The following IMMP2L variants were observed in gnomAD, a reference collection of about 807,000 sequenced individuals.
IMMP2L encodes the protein mitochondrial inner membrane protease subunit 2.
In IMMP2L, 18 loss-of-function variants were observed where a neutral mutation model predicts 19.3. The observed-to-expected ratio is 0.93, with a 90% CI of 0.64 to 1.38. The LOEUF (loss-of-function observed/expected upper bound fraction) is 1.38, where lower values mean the gene tolerates loss of function less well. IMMP2L is among the 40% of genes most tolerant of loss of function. The pLI is 0.00. For synonymous variants in IMMP2L, 76 were observed against 73.0 expected (o/e 1.04, Z -0.21); for missense variants, 233 against 218.2 (o/e 1.07, Z -0.43).
chr7:111,212,383 T>C (rs1326553327), intron 3 of IMMP2L, among the ~76,000 whole-genome samples: 1 of 152,036 alleles, frequency 6.6e-6, no homozygotes, highest in Admixed American at 6.6e-5. Flanking sequence ...CAGAGGCAGG[T>C]GGATTGCTAG....
chr7:111,070,938 A>C (rs1794899134), intron 3 of IMMP2L, among the ~76,000 whole-genome samples: 1 of 152,190 alleles, frequency 6.6e-6, no homozygotes, highest in South Asian at 2.1e-4. Flanking sequence ...TCATGACTTT[A>C]AAAACATTTG....
intron 3 of IMMP2L, among the ~76,000 whole-genome samples, chr7:111,191,431 TACACACACAC>T (rs57414194): frequency 0.56 from 82,254 of 146,616 alleles, 24,429 homozygotes; most frequent in East Asian, 0.79. Flanking sequence ...GCTGCTCAAA[TACACACACAC>T]ACACACACAC....
In IMMP2L at chr7:111,463,002, T is replaced by C. The variant is rs558643368; in HGVS notation, c.239+24236A>G. On this transcript the variant is annotated intron_variant, in intron 3 of 5. Coordinates refer to ENST00000405709, the MANE Select transcript of IMMP2L (RefSeq NM_032549.4). ...GGTGGCTTACAACAACATAAAGGTA[T>C]TCTCACAGTTCCGGAGGCCAGAAAT... 2.0e-5 allele frequency among the ~76,000 whole-genome samples: 3 copies of C among 152,230 alleles called. No individual in the cohort carries two copies. The East Asian group carries it at 5.8e-4, about 29-fold the overall frequency.
At chr7:111,130,111 T>C (rs1039947096) in intron 3 of IMMP2L, among the ~76,000 whole-genome samples, 4 of 152,142 alleles carry the variant, frequency 2.6e-5, no homozygotes, top group African/African-American at 9.6e-5. Flanking sequence ...TTACCTATTC[T>C]AGTTCACTGT....
intron 4 of IMMP2L, among the ~76,000 whole-genome samples, chr7:110,893,802 G>A (rs1253719980): frequency 1.3e-5 from 2 of 152,124 alleles, no homozygotes; most frequent in African/African-American, 2.4e-5. Context: ...CACATGGTAC[G>A]TGAATGTTTA....
At chr7:111,061,004 C>T (rs534223507) in intron 3 of IMMP2L, among the ~76,000 whole-genome samples, 1 of 152,206 alleles carries the variant, frequency 6.6e-6, no homozygotes, top group Admixed American at 6.5e-5. Flanking sequence ...ATCTTTTATG[C>T]ATAATAAAAT....
intron 5 of IMMP2L, among the ~76,000 whole-genome samples, chr7:110,820,068 G>A (rs1802888758): frequency 6.6e-6 from 1 of 151,962 alleles, no homozygotes; most frequent in African/African-American, 2.4e-5. Flanking sequence ...TATGGCAGAT[G>A]ATAAAAATCT....
intron 3 of IMMP2L, among the ~76,000 whole-genome samples, chr7:111,176,079 T>A (rs112369839): frequency 2.0e-5 from 3 of 151,976 alleles, no homozygotes; most frequent in African/African-American, 7.2e-5. Flanking sequence ...AGATAACATC[T>A]CACTCCAGTT....
intron 1 of IMMP2L, among the ~76,000 whole-genome samples, chr7:111,557,738 A>G (rs879023707): frequency 6.6e-6 from 1 of 152,186 alleles, no homozygotes; most frequent in East Asian, 1.9e-4. Flanking sequence ...TCCTTGGTCA[A>G]AGATGACTTT....
intron 3 of IMMP2L, among the ~76,000 whole-genome samples, chr7:111,001,918 G>C (rs1021557345): frequency 6.6e-6 from 1 of 151,898 alleles, no homozygotes; most frequent in Non-Finnish European, 1.5e-5. Flanking sequence ...GTAGTTAAAG[G>C]CTGCAAAATT....
intron 3 of IMMP2L, among the ~76,000 whole-genome samples, chr7:111,294,545 G>A (rs6977318): frequency 0.011 from 1,635 of 151,842 alleles, 30 homozygotes; most frequent in African/African-American, 0.036. Context: ...ATTTAAACAC[G>A]AATCTATCAG....
At chr7:110,935,151 T>G (rs1815957470) in intron 4 of IMMP2L, among the ~76,000 whole-genome samples, 1 of 152,200 alleles carries the variant, frequency 6.6e-6, no homozygotes, top group Admixed American at 6.5e-5. Context: ...TTCCTTTACA[T>G]GTTTAGTGCT....
chr7:110,663,092 C>G lies in IMMP2L; in HGVS notation c.*510G>C, dbSNP rs182689423. 6.5e-6 allele frequency: 1 copy of G among 154,088 alleles called. No homozygotes were observed. Among genetic ancestry groups the G allele is most frequent in the Admixed American group, 6.4e-5 (1 of 15,566 alleles). 9.5% of individuals were successfully genotyped at this position (154,088 alleles called of 1,614,324 possible). On this transcript the variant is annotated 3_prime_UTR_variant, in exon 6 of 6. Coordinates refer to ENST00000405709, the MANE Select transcript of IMMP2L (RefSeq NM_032549.4). ...TATTTTAACATCACTGTTTACTGTTCTTCCTAACTGGCAGTTACTCCTTTG... is the reference window on the plus strand; with the variant it reads ...TATTTTAACATCACTGTTTACTGTTGTTCCTAACTGGCAGTTACTCCTTTG...
chr7:111,410,461 T>G (rs1266770827), intron 3 of IMMP2L, among the ~76,000 whole-genome samples: 1 of 151,564 alleles, frequency 6.6e-6, no homozygotes, highest in Non-Finnish European at 1.5e-5. Flanking sequence ...TAAATTAGTA[T>G]GTACATTGTT....
Position 111,372,547 on chromosome 7 carries a change from G to T in IMMP2L, c.239+114691C>A, listed in dbSNP as rs140616039. ...CAGATACCAAGGAAGGCAGAGAAGA[G>T]AGATGGAGCTGACTGCCTGTAAACA... On this transcript the variant is annotated intron_variant, in intron 3 of 5. Coordinates refer to ENST00000405709, the MANE Select transcript of IMMP2L (RefSeq NM_032549.4). Among the ~76,000 whole-genome samples the T allele has an allele frequency of 3.5e-3, 531 of 152,104 alleles. 7 individuals carry two copies. The highest frequency in any genetic ancestry group is 0.012 in the African/African-American group (513 of 41,550).
chr7:111,370,422 C>T (rs1830162844), intron 3 of IMMP2L, among the ~76,000 whole-genome samples: 1 of 151,984 alleles, frequency 6.6e-6, no homozygotes, highest in South Asian at 2.1e-4. Flanking sequence ...AAGTGGAATA[C>T]ATCATTGAAC....
At chr7:111,301,071 T>C (rs1822183850) in intron 3 of IMMP2L, among the ~76,000 whole-genome samples, 1 of 152,174 alleles carries the variant, frequency 6.6e-6, no homozygotes, top group Non-Finnish European at 1.5e-5. Context: ...AGCAATATTA[T>C]GAGTGATCCA....
intron 3 of IMMP2L, among the ~76,000 whole-genome samples, chr7:111,372,691 A>T (rs1205885253): frequency 6.6e-6 from 1 of 151,986 alleles, no homozygotes; most frequent in Non-Finnish European, 1.5e-5. Context: ...AGGATGGCAG[A>T]TAAGAAAGGG....
At chr7:111,539,218 GAAA>G (rs1722227009) in intron 1 of IMMP2L, among the ~76,000 whole-genome samples, 1 of 111,966 alleles carries the variant, frequency 8.9e-6, no homozygotes, top group Non-Finnish European at 1.9e-5. Flanking sequence ...AAGAAAGAAA[GAAA>G]GAAAGAAAGA....
Sources: gnomAD v4.1 joint callset for allele counts (sites outside exome capture counted in the v4.1 genomes callset) on GRCh38, gnomAD v4.1.1 for gene constraint, MANE v1.5 for transcripts, NCBI Gene and HGNC (gene_info 2026-07-23, HGNC 2026-07-21) for gene names.